Variants in PRELID2 observed in about 807,000 individuals in gnomAD.
PRELID2 encodes the protein PRELI domain containing 2, also known as PRELI domain-containing protein 2.
Under a neutral mutation model 28.4 loss-of-function variants are expected in PRELID2, and 25 were observed. The observed-to-expected ratio is 0.88, with a 90% CI of 0.64 to 1.23. The LOEUF (loss-of-function observed/expected upper bound fraction) is 1.23, where lower values mean the gene tolerates loss of function less well. Ranked by LOEUF, PRELID2 falls within the 50% of genes most tolerant of loss-of-function variation. The pLI is 0.00. For synonymous variants in PRELID2, 76 were observed against 71.6 expected (o/e 1.06, Z -0.31); for missense variants, 201 against 214.4 (o/e 0.94, Z 0.39).
At chr5:145,514,430 G>A (rs2220040) in intron 1 of PRELID2, among the ~76,000 whole-genome samples, 2 of 152,014 alleles carry the variant, frequency 1.3e-5, no homozygotes, top group Admixed American at 6.5e-5. Flanking sequence ...AAAGGGATCA[G>A]TGCAACAAGA....
chr5:145,726,075 G>T (rs986089994), intron 1 of PRELID2, among the ~76,000 whole-genome samples: 3 of 151,814 alleles, frequency 2.0e-5, no homozygotes, highest in Non-Finnish European at 2.9e-5. Context: ...AGGCTGAGGT[G>T]GGAGGATTGC....
At chr5:145,297,133 T>A in the PRELID2 span, among the ~76,000 whole-genome samples, 5 of 151,992 alleles carry the variant, frequency 3.3e-5, no homozygotes, top group African/African-American at 7.2e-5. Context: ...TTTCTCCCAT[T>A]TTGTAGGTTG....
chr5:145,514,238 G>C (rs1482710072), intron 1 of PRELID2, among the ~76,000 whole-genome samples: 2 of 150,588 alleles, frequency 1.3e-5, no homozygotes, highest in African/African-American at 4.9e-5. Flanking sequence ...TGCTGTATTC[G>C]GGAGACTCAT....
chr5:145,571,574 G>C (rs1480056905), intron 1 of PRELID2, among the ~76,000 whole-genome samples: 2 of 152,110 alleles, frequency 1.3e-5, no homozygotes, highest in African/African-American at 2.4e-5. Context: ...ATCTCTTCCT[G>C]GGAAAATCTA....
chr5:145,373,033 T>A, the PRELID2 span, among the ~76,000 whole-genome samples: 11 of 117,986 alleles, frequency 9.3e-5, no homozygotes, highest in Non-Finnish European at 1.3e-4. Flanking sequence ...ACAACATATA[T>A]AATATGATAT....
At chr5:145,274,578 C>T in the PRELID2 span, among the ~76,000 whole-genome samples, 1 of 152,076 alleles carries the variant, frequency 6.6e-6, no homozygotes, top group Admixed American at 6.6e-5. Flanking sequence ...GGGAGGCTTA[C>T]ATAATTGTAA....
At chr5:145,617,984 C>T (rs1488260043) in intron 1 of PRELID2, among the ~76,000 whole-genome samples, 5 of 152,140 alleles carry the variant, frequency 3.3e-5, no homozygotes, top group Non-Finnish European at 4.4e-5. Flanking sequence ...CCACCCACCT[C>T]GGCCTCCCAA....
At chr5:145,785,094 T>C (rs757113896) in intron 5 of PRELID2, among the ~76,000 whole-genome samples, 21 of 152,218 alleles carry the variant, frequency 1.4e-4, no homozygotes, top group Non-Finnish European at 2.5e-4. Flanking sequence ...GCAGAGAATG[T>C]CTCTTAAAGC....
chr5:145,821,319 A>G, intron 2 of PRELID2, among the ~76,000 whole-genome samples: 1 of 145,644 alleles, frequency 6.9e-6, no homozygotes, highest in African/African-American at 2.6e-5. Flanking sequence ...GTATGTGTGT[A>G]AGCCCTCTTC....
At chr5:145,412,037 C>G in the PRELID2 span, among the ~76,000 whole-genome samples, 1 of 152,122 alleles carries the variant, frequency 6.6e-6, no homozygotes, top group African/African-American at 2.4e-5. Context: ...GGGCCCAGGC[C>G]AGAAAACCAT....
At chr5:145,536,130 C>A (rs1400216514) in intron 1 of PRELID2, among the ~76,000 whole-genome samples, 2 of 151,880 alleles carry the variant, frequency 1.3e-5, no homozygotes, top group Non-Finnish European at 2.9e-5. Context: ...GTAAAAAAGA[C>A]CTGTGGTTCT....
chr5:145,305,292 A>G, the PRELID2 span, among the ~76,000 whole-genome samples: 1 of 152,216 alleles, frequency 6.6e-6, no homozygotes, highest in African/African-American at 2.4e-5. Context: ...CCAGTTTTCA[A>G]TGTAGAACCC....
At chr5:145,256,717 T>A in the PRELID2 span, among the ~76,000 whole-genome samples, 1 of 151,918 alleles carries the variant, frequency 6.6e-6, no homozygotes, top group African/African-American at 2.4e-5. Flanking sequence ...ACTAAGATTT[T>A]TAAAAATTCT....
intron 1 of PRELID2, among the ~76,000 whole-genome samples, chr5:145,653,485 C>T (rs1231356194): frequency 2.6e-4 from 39 of 152,160 alleles, no homozygotes; most frequent in Non-Finnish European, 1.5e-5. Flanking sequence ...CCAAAATTGA[C>T]CACATAGTTG....
chr5:145,672,659 C>T (rs1754732235), intron 1 of PRELID2, among the ~76,000 whole-genome samples: 1 of 152,028 alleles, frequency 6.6e-6, no homozygotes, highest in African/African-American at 2.4e-5. Context: ...ATTAAAAGAA[C>T]TAAAAATTAG....
At chr5:145,775,541 G>A (rs377678017) in intron 5 of PRELID2, among the ~76,000 whole-genome samples, 1 of 152,196 alleles carries the variant, frequency 6.6e-6, no homozygotes, top group Non-Finnish European at 1.5e-5. Context: ...CTGACACTAA[G>A]TGAAGCTCCC....
At chr5:145,264,797 A>C in the PRELID2 span, among the ~76,000 whole-genome samples, 1 of 151,892 alleles carries the variant, frequency 6.6e-6, no homozygotes, top group Non-Finnish European at 1.5e-5. Flanking sequence ...AACATGGTGA[A>C]ACACCATGTC....
At chr5:145,583,409 C>T (rs1753125023) in intron 1 of PRELID2, among the ~76,000 whole-genome samples, 1 of 152,094 alleles carries the variant, frequency 6.6e-6, no homozygotes, top group African/African-American at 2.4e-5. Flanking sequence ...CTCACCATTC[C>T]TATTCAACAT....
the PRELID2 span, among the ~76,000 whole-genome samples, chr5:145,339,437 C>T: frequency 5.9e-5 from 9 of 152,084 alleles, no homozygotes; most frequent in African/African-American, 2.2e-4. Flanking sequence ...ACCCCTTGAC[C>T]CACACAAGCC....
Sources: allele counts gnomAD v4.1 joint callset (sites outside exome capture counted in the v4.1 genomes callset), GRCh38; gene constraint gnomAD v4.1.1; transcripts MANE v1.5; gene names NCBI Gene and HGNC (gene_info 2026-07-23, HGNC 2026-07-21).